Variants in ACVR1B observed in about 807,000 individuals in gnomAD.
The protein encoded by ACVR1B is activin A receptor type 1B.
ACVR1B carries 15 observed loss-of-function variants against 55.6 expected under a neutral mutation model. The ratio of observed to expected loss-of-function variants is 0.27; its 90% CI spans 0.18 to 0.42. ACVR1B has a LOEUF of 0.42. ACVR1B is among the 10% of genes least tolerant of loss of function. The pLI, the probability that ACVR1B is intolerant of heterozygous loss-of-function variation, is 1.00. For missense variants in ACVR1B, 359 were observed against 670.1 expected (o/e 0.54, Z 5.13); for synonymous variants, 247 against 254.6 (o/e 0.97, Z 0.28).
At position 51,972,604 on chromosome 12, in the gene ACVR1B, C is replaced by T. The variant is rs115068318; in HGVS notation, c.92-2661C>T. ...CAGCCCCACTTTACAGATTAGGAAA[C>T]GGGTGCGAGAAGGTTAATACCTTGC... On this transcript the variant is annotated intron_variant, in intron 1 of 8. Transcript: ENST00000257963. 7.8e-3 allele frequency among the ~76,000 whole-genome samples: 1,180 copies of T among 152,198 alleles called. 21 individuals are homozygous for T. The highest frequency in any genetic ancestry group is 0.027 in the African/African-American group (1,127 of 41,526).
chr12:51,984,245 C>A (rs1942036788), intron 5 of ACVR1B, 79 bp downstream of exon 5: 16 of 1,513,294 alleles, frequency 1.1e-5, no homozygotes, highest in Non-Finnish European at 1.4e-5. Flanking sequence ...TCCTAGAATT[C>A]CTTTTTACTG....
At chr12:51,971,007 C>T (rs1592249670) in intron 1 of ACVR1B, among the ~76,000 whole-genome samples, 1 of 152,126 alleles carries the variant, frequency 6.6e-6, no homozygotes, top group African/African-American at 2.4e-5. Flanking sequence ...TGCACACTCC[C>T]ACACCCCTCC....
chr12:51,956,871 C>T (rs1318611388), intron 1 of ACVR1B, among the ~76,000 whole-genome samples: 1 of 152,052 alleles, frequency 6.6e-6, no homozygotes. Context: ...GCAATCCTCC[C>T]ACCTCAGCCT....
intron 1 of ACVR1B, among the ~76,000 whole-genome samples, chr12:51,954,815 G>A (rs1227121664): frequency 6.6e-6 from 1 of 152,218 alleles, no homozygotes; most frequent in African/African-American, 2.4e-5. Context: ...GCCAGTTGGC[G>A]GGGAGGTATT....
rs544343318 is a variant in ACVR1B at position 51,972,398 on chromosome 12, A to G, written c.92-2867A>G. ...GCTGTATTTTTACTTCACCTTTTCT[A>G]TGTTAGATACAGATGATTCTTGTGT... On this transcript the variant is annotated intron_variant, in intron 1 of 8. Transcript: ENST00000257963. Among the ~76,000 whole-genome samples the G allele has an allele frequency of 7.7e-4, 117 of 152,220 alleles. 3 individuals carry two copies. The highest frequency in any genetic ancestry group is 7.7e-4 in the East Asian group (4 of 5,170).
chr12:51,993,925 G>A (rs749437687), intron 8 of ACVR1B, 60 bp from the exon 9 acceptor site: 2 of 1,598,932 alleles, frequency 1.3e-6, no homozygotes, highest in African/African-American at 1.3e-5. Context: ...TGAGAGCCTA[G>A]GGACCAGAAA....
intron 1 of ACVR1B, 21 bp from the exon 2 acceptor site, chr12:51,975,244 C>G (rs1192287279): frequency 6.2e-7 from 1 of 1,600,156 alleles, no homozygotes; most frequent in South Asian, 1.1e-5. Context: ...ATGTCAATGT[C>G]TGCTCCCCAA....
At chr12:51,992,322 T>C (rs1942207696) in intron 8 of ACVR1B, 2 of 419,674 alleles carry the variant, frequency 4.8e-6, no homozygotes, top group Non-Finnish European at 8.5e-6. Flanking sequence ...CTGGGCAATG[T>C]GGGGAGACCC....
At chr12:51,973,000 C>T (rs773068149) in intron 1 of ACVR1B, among the ~76,000 whole-genome samples, 15 of 152,190 alleles carry the variant, frequency 9.9e-5, no homozygotes, top group Admixed American at 2.6e-4. Flanking sequence ...TTCCGTTCTT[C>T]GTCCTGTCTA....
At chr12:51,952,042 G>T (rs1283689216) in intron 1 of ACVR1B, among the ~76,000 whole-genome samples, 1 of 152,062 alleles carries the variant, frequency 6.6e-6, no homozygotes, top group Non-Finnish European at 1.5e-5. Flanking sequence ...CTCACGCCGG[G>T]CCCCTGGGGA....
At chr12:51,974,869 G>A (rs968710894) in intron 1 of ACVR1B, among the ~76,000 whole-genome samples, 1 of 152,210 alleles carries the variant, frequency 6.6e-6, no homozygotes, top group Non-Finnish European at 1.5e-5. Context: ...GCAGGAAGCC[G>A]TGGGTGTGCT....
At chr12:51,979,784 A>T (rs140410792) in intron 3 of ACVR1B, among the ~76,000 whole-genome samples, 2 of 152,208 alleles carry the variant, frequency 1.3e-5, no homozygotes, top group African/African-American at 4.8e-5. Flanking sequence ...GAATTCTGGC[A>T]GTGGTGTGGA....
rs1941298666 is a variant in ACVR1B at position 51,951,737 on chromosome 12, G to C, written c.-7G>C. Reference sequence around the variant, plus strand: ...CTGCGGCGGCGGCGGCGGCGGCGGTGGTTACTATGGCGGAGTCGGCCGGAG... The same window carrying C: ...CTGCGGCGGCGGCGGCGGCGGCGGTCGTTACTATGGCGGAGTCGGCCGGAG... On this transcript the variant is annotated 5_prime_UTR_variant, in exon 1 of 9. Transcript: ENST00000257963. 8.0e-7 allele frequency: 1 copy of C among 1,249,330 alleles called. No homozygotes were observed. The highest frequency in any genetic ancestry group is 3.7e-5 in the Admixed American group (1 of 27,242). 77.4% of individuals were successfully genotyped at this position (1,249,330 alleles called of 1,614,324 possible).
At chr12:51,993,490 C>T (rs987718993) in intron 8 of ACVR1B, among the ~76,000 whole-genome samples, 5 of 152,032 alleles carry the variant, frequency 3.3e-5, no homozygotes, top group African/African-American at 9.7e-5. Context: ...AGCCGCCTGG[C>T]GCGGTGGCTC....
chr12:51,984,244 T>C (rs1942036725), intron 5 of ACVR1B, 78 bp downstream of exon 5: 1 of 1,515,142 alleles, frequency 6.6e-7, no homozygotes, highest in Non-Finnish European at 9.0e-7. Flanking sequence ...TTCCTAGAAT[T>C]CCTTTTTACT....
chr12:51,981,010 G>A lies in ACVR1B; in HGVS notation c.622G>A (p.Val208Ile), dbSNP rs754157211. 46 of 1,613,968 alleles carry A rather than the reference G, an allele frequency of 2.9e-5. No homozygotes were observed. Among genetic ancestry groups the A allele is most frequent in the Non-Finnish European group, 3.7e-5 (44 of 1,179,962 alleles). ...FVQRTVARTI[V>I]LQEIIGKGRF... The stretch of plus-strand genomic sequence containing the variant: ...CCAGCGCACAGTGGCCCGAACCATC[G>A]TTTTACAAGAGATTATTGGCAAGGG... The change falls in exon 4 of 9, where the codon GTT (valine) becomes ATT (isoleucine). Residue 208 changes from valine to isoleucine, a missense_variant. By Grantham distance (29) the Val-to-Ile change is conservative. This residue lies in a region of ACVR1B where 119 missense variants were observed against 340.2 expected (regional missense o/e 0.35). Coordinates refer to ENST00000257963, the MANE Select transcript of ACVR1B (RefSeq NM_004302.5).
chr12:51,958,293 A>G (rs1461893678), intron 1 of ACVR1B, among the ~76,000 whole-genome samples: 3 of 152,202 alleles, frequency 2.0e-5, no homozygotes, highest in Non-Finnish European at 4.4e-5. Context: ...GTGGTCCCCA[A>G]TCTTTTTGAC....
intron 1 of ACVR1B, chr12:51,953,392 A>C (rs896713291): frequency 1.4e-5 from 14 of 985,246 alleles, no homozygotes; most frequent in Admixed American, 6.2e-5. Context: ...TGCTTCTCCT[A>C]AGCACCTCGT....
chr12:51,960,257 A>C (rs1941493078), intron 1 of ACVR1B: 1 of 152,206 alleles, frequency 6.6e-6, no homozygotes, highest in Non-Finnish European at 1.5e-5. Context: ...TCGTCTCTAC[A>C]AAACATTTTT....
Sources: allele counts gnomAD v4.1 joint callset (sites outside exome capture counted in the v4.1 genomes callset), GRCh38; gene constraint gnomAD v4.1.1; regional missense constraint gnomAD v4.1.1; transcripts MANE v1.5; gene names NCBI Gene and HGNC (gene_info 2026-07-23, HGNC 2026-07-21).